Variants in GALNT10 observed in about 807,000 individuals in gnomAD.
GALNT10 encodes the protein polypeptide N-acetylgalactosaminyltransferase 10, also known as GalNAc transferase 10.
GALNT10 carries 41 observed loss-of-function variants against 75.0 expected under a neutral mutation model. The ratio of observed to expected loss-of-function variants is 0.55; its 90% CI spans 0.43 to 0.71. GALNT10 has a LOEUF of 0.71. Among genes scored for constraint, GALNT10 ranks in the 30% least tolerant of loss-of-function variants. The pLI is 0.00. For synonymous variants in GALNT10, 302 were observed against 313.0 expected (o/e 0.96, Z 0.37); for missense variants, 727 against 818.5 (o/e 0.89, Z 1.36).
chr5:154,383,455 A>T (rs1332315197), intron 6 of GALNT10, among the ~76,000 whole-genome samples: 1 of 152,214 alleles, frequency 6.6e-6, no homozygotes, highest in Non-Finnish European at 1.5e-5. Flanking sequence ...AGAGCTGGAG[A>T]TGGTGTCAGT....
chr5:154,259,721 G>A (rs987204495), intron 1 of GALNT10, among the ~76,000 whole-genome samples: 2 of 152,058 alleles, frequency 1.3e-5, no homozygotes, highest in African/African-American at 4.8e-5. Flanking sequence ...ATGGCTCTAG[G>A]TGTTGGTTTT....
At chr5:154,238,435 CAGATTGA>C (rs1753281720) in intron 1 of GALNT10, among the ~76,000 whole-genome samples, 1 of 152,148 alleles carries the variant, frequency 6.6e-6, no homozygotes, top group Admixed American at 6.5e-5. Context: ...CATTAATATG[CAGATTGA>C]ATTAATCTAT....
chr5:154,416,604 C>T lies in GALNT10; in HGVS notation c.1654-210C>T, dbSNP rs1756516400. ...TGCGTGCATCACTTCTGGCCACATC[C>T]CAGCGGGCAGAACCCAGTCCCACGG... On this transcript the variant is annotated intron_variant, in intron 11 of 11. Transcript: ENST00000297107. The surrounding 1 kb of genome is among the most constrained non-coding windows in gnomAD (Gnocchi z 4.5). Among the ~76,000 whole-genome samples, 3 of 151,826 alleles carry T rather than the reference C, an allele frequency of 2.0e-5. No individual in the cohort carries two copies. Among genetic ancestry groups the T allele is most frequent in the Admixed American group, 2.0e-4 (3 of 15,250 alleles).
At position 154,332,762 on chromosome 5, in the gene GALNT10, G is replaced by A. The variant is rs182297787; in HGVS notation, c.568+3024G>A. Among the ~76,000 whole-genome samples the A allele has an allele frequency of 1.8e-3, 267 of 152,300 alleles. 1 individual carries two copies. The highest frequency in any genetic ancestry group is 6.0e-3 in the African/African-American group (251 of 41,568). ...GACAGATGTGGCTGTGGAAGACACT[G>A]CAGTTCTTGCAGTGACTGGTGCTGG... On this transcript the variant is annotated intron_variant, in intron 4 of 11. Coordinates refer to ENST00000297107, the MANE Select transcript of GALNT10 (RefSeq NM_198321.4).
At chr5:154,355,971 A>G (rs1005145735) in intron 4 of GALNT10, among the ~76,000 whole-genome samples, 1 of 152,190 alleles carries the variant, frequency 6.6e-6, no homozygotes, top group Non-Finnish European at 1.5e-5. Flanking sequence ...CTTCCAGGTC[A>G]TAGACCGAGT....
At position 154,376,455 on chromosome 5, in the gene GALNT10, C is replaced by G. The variant is rs913470014; in HGVS notation, c.747C>G (p.Pro249=). The change falls in exon 5 of 12, where the codon CCC becomes CCG. Residue 249 remains proline, a synonymous_variant. Coordinates refer to ENST00000297107, the MANE Select transcript of GALNT10 (RefSeq NM_198321.4). The surrounding 1 kb of genome is among the most constrained non-coding windows in gnomAD (Gnocchi z 4.1). ...AAGCCAATGTCAACTGGCTTCCCCC[C>G]TTGCTTGGTAAGGGAGCCCCTCCCA... The part of the protein sequence containing the change: ...HCEANVNWLP[P]LLDRIARNRK... The G allele has an allele frequency of 1.9e-6, 3 of 1,572,096 alleles. No homozygotes were observed. The highest frequency in any genetic ancestry group is 2.6e-6 in the Non-Finnish European group (3 of 1,164,040).
At chr5:154,203,512 T>C (rs1158282512) in intron 1 of GALNT10, among the ~76,000 whole-genome samples, 2 of 151,356 alleles carry the variant, frequency 1.3e-5, no homozygotes. Flanking sequence ...GGCTCAGGGG[T>C]GACCTAAGAA....
At chr5:154,240,035 C>G (rs778679210) in intron 1 of GALNT10, among the ~76,000 whole-genome samples, 7 of 152,178 alleles carry the variant, frequency 4.6e-5, no homozygotes, top group South Asian at 2.1e-4. Context: ...CTGCCTGAAT[C>G]CAGAAGCTCC....
chr5:154,373,073 C>T (rs558305463), intron 4 of GALNT10, among the ~76,000 whole-genome samples: 4 of 152,266 alleles, frequency 2.6e-5, no homozygotes, highest in African/African-American at 7.2e-5. Flanking sequence ...CTGTGTCAGA[C>T]GCTGAGGCAT....
intron 1 of GALNT10, among the ~76,000 whole-genome samples, chr5:154,234,910 G>A (rs2113664561): frequency 6.6e-6 from 1 of 152,354 alleles, no homozygotes; most frequent in Non-Finnish European, 1.5e-5. Flanking sequence ...TACCAGATAG[G>A]AGGAGAGTGG....
chr5:154,207,663 G>A (rs1775131902), intron 1 of GALNT10, among the ~76,000 whole-genome samples: 1 of 152,146 alleles, frequency 6.6e-6, no homozygotes, highest in Admixed American at 6.5e-5. Context: ...GGATGGTTTA[G>A]CCAGACAGGG....
chr5:154,202,772 C>T (rs1388762221), intron 1 of GALNT10, among the ~76,000 whole-genome samples: 1 of 152,218 alleles, frequency 6.6e-6, no homozygotes, highest in Admixed American at 6.5e-5. Flanking sequence ...TCCCTCGGGG[C>T]GGTTGTCAGA....
chr5:154,386,585 G>C, intron 7 of GALNT10, 155 bp downstream of exon 7: 8 of 359,420 alleles, frequency 2.2e-5, no homozygotes, highest in Admixed American at 4.1e-5. Context: ...GGGCTCATGG[G>C]CCACTCTTTG....
chr5:154,286,549 TA>T (rs1754115591), intron 1 of GALNT10, among the ~76,000 whole-genome samples: 1 of 152,154 alleles, frequency 6.6e-6, no homozygotes, highest in South Asian at 2.1e-4. Context: ...CCCTGCTGTT[TA>T]AAAAATCTTT....
chr5:154,363,140 A>G (rs138721049), intron 4 of GALNT10, among the ~76,000 whole-genome samples: 2 of 152,330 alleles, frequency 1.3e-5, no homozygotes, highest in East Asian at 1.9e-4. Context: ...CATATTGTCA[A>G]CTGGACAAAA....
At chr5:154,220,596 G>A (rs924570942) in intron 1 of GALNT10, 12 of 152,222 alleles carry the variant, frequency 7.9e-5, no homozygotes, top group African/African-American at 2.9e-4. Context: ...AAGTTACCAG[G>A]ACAGACCTTC....
chr5:154,375,056 T>C (rs777918303), intron 4 of GALNT10, among the ~76,000 whole-genome samples: 2 of 152,178 alleles, frequency 1.3e-5, no homozygotes, highest in Non-Finnish European at 2.9e-5. Flanking sequence ...GTAAAGTAGA[T>C]GAATGTGGCA....
intron 3 of GALNT10, among the ~76,000 whole-genome samples, chr5:154,327,282 C>A (rs900654463): frequency 6.6e-6 from 1 of 152,136 alleles, no homozygotes; most frequent in South Asian, 2.1e-4. Context: ...CTATAACCAA[C>A]CTAGTAGTAA....
At chr5:154,339,849 C>A (rs1224265396) in intron 4 of GALNT10, among the ~76,000 whole-genome samples, 1 of 152,110 alleles carries the variant, frequency 6.6e-6, no homozygotes, top group African/African-American at 2.4e-5. Flanking sequence ...GGAGTAAAAG[C>A]CAATGGAACA....
Sources: gnomAD v4.1 joint callset for allele counts (sites outside exome capture counted in the v4.1 genomes callset) on GRCh38, gnomAD v4.1.1 for gene constraint, Gnocchi (gnomAD v3.1) non-coding constraint, MANE v1.5 for transcripts, NCBI Gene and HGNC (gene_info 2026-07-23, HGNC 2026-07-21) for gene names.